The following PLCG2 variants were observed in gnomAD, a reference collection of about 807,000 sequenced individuals.
PLCG2 encodes the protein phospholipase C gamma 2.
Under a neutral mutation model 175.6 loss-of-function variants are expected in PLCG2, and 69 were observed. That is an observed-to-expected ratio of 0.39 (90% CI 0.32 to 0.48). The LOEUF is 0.48. Ranked by LOEUF, PLCG2 falls within the 20% of genes least tolerant of loss-of-function variation. The probability of loss-of-function intolerance (pLI) is 0.91; values close to 1 mark genes in which losing one functional copy is unlikely to be tolerated. For synonymous variants in PLCG2, 827 were observed against 624.0 expected, an observed-to-expected ratio of 1.33 and a Z score of -4.85; for missense variants, 1,798 against 1,650.9, an observed-to-expected ratio of 1.09 and a Z score of -1.54.
intron 2 of PLCG2, among the ~76,000 whole-genome samples, chr16:81,787,535 CT>C (rs34698199): frequency 0.33 from 46,525 of 141,276 alleles, 7,468 homozygotes; most frequent in East Asian, 0.46. Flanking sequence ...GCCTTGCACT[CT>C]TTTTTTTTTT....
At chr16:81,877,033 G>C (rs1419994205) in intron 7 of PLCG2, among the ~76,000 whole-genome samples, 1 of 152,174 alleles carries the variant, frequency 6.6e-6, no homozygotes, top group African/African-American at 2.4e-5. Flanking sequence ...TCTGAAATGG[G>C]GCTTATTTTA....
intron 2 of PLCG2, among the ~76,000 whole-genome samples, chr16:81,765,877 T>C (rs1360109058): frequency 6.6e-6 from 1 of 152,004 alleles, no homozygotes; most frequent in African/African-American, 2.4e-5. Flanking sequence ...GTAGCCAAGG[T>C]GGGTTACATA....
rs1272652577 is a variant in PLCG2 at position 81,960,808 on chromosome 16, CT to C, written c.*2811del. On this transcript the variant is annotated 3_prime_UTR_variant, in exon 33 of 33. Transcript: ENST00000564138. ...CCTTTAGATTAAGCTAGCCTTACCC[CT>C]GGGAGTATACCAGAGCTTTCCAAGG... is the stretch of plus-strand genomic sequence containing the variant. 8.7e-6 allele frequency: 2 copies of C among 229,694 alleles called. No homozygotes were observed. Among genetic ancestry groups the C allele is most frequent in the African/African-American group, 4.4e-5 (2 of 45,142 alleles). The allele number at this position is 229,694 out of a possible 1,614,324, so 14.2% of individuals were successfully genotyped here. A position where few individuals can be genotyped will look rare whatever the true frequency, so the allele number is the denominator to read the frequency against.
intron 20 of PLCG2, among the ~76,000 whole-genome samples, chr16:81,920,746 A>G (rs1459359349): frequency 6.5e-4 from 2 of 3,074 alleles, no homozygotes; most frequent in African/African-American, 2.9e-3. Flanking sequence ...AACAGCTCTC[A>G]GCGGGGTAGG....
intron 32 of PLCG2, 99 bp downstream of exon 32, chr16:81,956,978 C>A: frequency 9.5e-7 from 1 of 1,049,852 alleles, no homozygotes; most frequent in Non-Finnish European, 1.4e-6. Context: ...CTCTGAGTTG[C>A]TTTCTTCAGA....
At chr16:81,830,912 A>G (rs955652075) in intron 2 of PLCG2, among the ~76,000 whole-genome samples, 1 of 151,908 alleles carries the variant, frequency 6.6e-6, no homozygotes, top group Non-Finnish European at 1.5e-5. Flanking sequence ...ATGGACAGGC[A>G]CTGCGGGTCA....
At chr16:81,781,931 G>A (rs1469155678) in intron 1 of PLCG2, among the ~76,000 whole-genome samples, 1 of 143,966 alleles carries the variant, frequency 6.9e-6, no homozygotes, top group Non-Finnish European at 1.5e-5. Context: ...GAGTGCAGTG[G>A]CGCGATCTCG....
intron 10 of PLCG2, among the ~76,000 whole-genome samples, chr16:81,890,366 C>A (rs4889424): frequency 0.36 from 55,279 of 151,996 alleles, 10,823 homozygotes; most frequent in East Asian, 0.64. Context: ...TTGGCCCAAG[C>A]CCAGGAATAA....
intron 2 of PLCG2, among the ~76,000 whole-genome samples, chr16:81,833,984 G>C (rs1052083022): frequency 2.0e-5 from 3 of 152,196 alleles, no homozygotes; most frequent in Non-Finnish European, 4.4e-5. Context: ...TTCACCCCAA[G>C]GTTTTCTGAG....
At chr16:81,775,690 G>C (rs1211881677), upstream of PLCG2, among the ~76,000 whole-genome samples, 1 of 152,198 alleles carries the variant, frequency 6.6e-6, no homozygotes, top group South Asian at 2.1e-4. Context: ...GGACTGGTGA[G>C]CAACACAGAA....
At chr16:81,878,328 C>A (rs565449130) in intron 7 of PLCG2, among the ~76,000 whole-genome samples, 65 of 152,210 alleles carry the variant, frequency 4.3e-4, no homozygotes, top group African/African-American at 1.1e-3. Flanking sequence ...TTCGGGTCCA[C>A]CCTAACCCAG....
chr16:81,888,474 G>T (rs145125190), intron 9 of PLCG2, among the ~76,000 whole-genome samples: 1 of 152,172 alleles, frequency 6.6e-6, no homozygotes. Flanking sequence ...CAGTCCACCC[G>T]CCTCGGCCTA....
chr16:81,885,385 A>C (rs1226768627), intron 9 of PLCG2, among the ~76,000 whole-genome samples: 1 of 152,112 alleles, frequency 6.6e-6, no homozygotes, highest in Non-Finnish European at 1.5e-5. Context: ...GCTGATCTCC[A>C]ACTCCTGGGC....
chr16:81,783,149 G>A (rs1398451735), intron 1 of PLCG2: 7 of 490,960 alleles, frequency 1.4e-5, no homozygotes, highest in African/African-American at 1.4e-4. Context: ...TGTTATAATG[G>A]GGCTTGTGTT....
intron 2 of PLCG2, among the ~76,000 whole-genome samples, chr16:81,810,773 A>G (rs1904311246): frequency 6.6e-6 from 1 of 152,160 alleles, no homozygotes; most frequent in African/African-American, 2.4e-5. Context: ...GCTCAGGGCA[A>G]AGCACTGTAT....
intron 2 of PLCG2, among the ~76,000 whole-genome samples, chr16:81,851,299 A>T (rs913533174): frequency 6.6e-6 from 1 of 152,252 alleles, no homozygotes; most frequent in Non-Finnish European, 1.5e-5. Context: ...AAACCTGGAC[A>T]TGGTCGCTGG....
At chr16:81,818,184 C>T (rs1190407329) in intron 2 of PLCG2, among the ~76,000 whole-genome samples, 4 of 152,192 alleles carry the variant, frequency 2.6e-5, no homozygotes, top group East Asian at 3.9e-4. Flanking sequence ...TTGCTTCGGC[C>T]CTCTGTGCCT....
intron 18 of PLCG2, 79 bp downstream of exon 18, chr16:81,910,799 C>G: frequency 1.5e-6 from 2 of 1,338,772 alleles, no homozygotes; most frequent in Non-Finnish European, 2.1e-6. Flanking sequence ...CCTGGTGGTT[C>G]AGCCGGGCCA....
chr16:81,823,826 A>G (rs1407105235), intron 2 of PLCG2, among the ~76,000 whole-genome samples: 2 of 151,526 alleles, frequency 1.3e-5, no homozygotes, highest in African/African-American at 2.4e-5. Context: ...CACTGCACCC[A>G]GACAATTCTT....
Sources: allele counts gnomAD v4.1 joint callset (sites outside exome capture counted in the v4.1 genomes callset), GRCh38; gene constraint gnomAD v4.1.1; transcripts MANE v1.5; gene names NCBI Gene and HGNC (gene_info 2026-07-23, HGNC 2026-07-21).